TDRD5: variants seen among roughly 807,000 people sequenced by gnomAD.
TDRD5 encodes tudor domain containing 5.
In TDRD5, 41 loss-of-function variants were observed where a neutral mutation model predicts 120.6. The ratio of observed to expected loss-of-function variants is 0.34; its 90% CI spans 0.26 to 0.44. TDRD5 has a LOEUF of 0.44. Among genes scored for constraint, TDRD5 ranks in the 20% least tolerant of loss-of-function variants. TDRD5 has a pLI of 1.00. For missense variants in TDRD5, 1,006 were observed against 1,221.2 expected (o/e 0.82, Z 2.63); for synonymous variants, 430 against 433.7 (o/e 0.99, Z 0.11).
chr1:179,626,508 T>C (rs1384722914), intron 6 of TDRD5, among the ~76,000 whole-genome samples: 1 of 152,196 alleles, frequency 6.6e-6, no homozygotes, highest in African/African-American at 2.4e-5. Flanking sequence ...TAAACTTAAG[T>C]TGTGTGCATT....
chr1:179,679,930 T>A (rs1680334282), intron 17 of TDRD5, among the ~76,000 whole-genome samples: 1 of 152,114 alleles, frequency 6.6e-6, no homozygotes, highest in Non-Finnish European at 1.5e-5. Context: ...CATTTTACAG[T>A]TTTTCCTAAA....
In TDRD5 at chr1:179,617,374, T is replaced by C. The variant is rs544157810; in HGVS notation, c.832-1225T>C. On this transcript the variant is annotated intron_variant, in intron 4 of 17. Transcript: ENST00000444136. ...TGCTCACACCATGTGCCAGGCATTA[T>C]GTTATGCACTCTTCGTGCCTCATCA... is the stretch of plus-strand genomic sequence containing the variant. 2.0e-5 allele frequency among the ~76,000 whole-genome samples: 3 copies of C among 152,300 alleles called. No homozygotes were observed. In the East Asian group the frequency reaches 5.8e-4, roughly 29 times the overall value.
chr1:179,604,220 A>G (rs1447890795), intron 4 of TDRD5, among the ~76,000 whole-genome samples: 2 of 151,972 alleles, frequency 1.3e-5, no homozygotes, highest in East Asian at 3.9e-4. Context: ...GTCAGTTATA[A>G]TATCTCCTGT....
intron 11 of TDRD5, 134 bp from the exon 12 acceptor site, chr1:179,650,733 A>G (rs1002166656): frequency 7.4e-6 from 6 of 806,546 alleles, no homozygotes; most frequent in Non-Finnish European, 1.0e-5. Flanking sequence ...ATATCCTCCT[A>G]TGTGTTATTC....
At chr1:179,654,759 C>A (rs1678907545) in intron 14 of TDRD5, among the ~76,000 whole-genome samples, 1 of 151,980 alleles carries the variant, frequency 6.6e-6, no homozygotes, top group South Asian at 2.1e-4. Context: ...TAGAGTGAGA[C>A]TCTGTCTCAA....
rs188334517 is a variant in TDRD5, at chr1:179,639,713, C to A, written c.1521-126C>A. The A allele has an allele frequency of 4.0e-4, 378 of 935,908 alleles. No individual in the cohort carries two copies. The East Asian group carries it at 9.3e-3, about 23-fold the overall frequency. The allele number at this position is 935,908 out of a possible 1,614,324, so 58.0% of individuals were successfully genotyped here. A position where few individuals can be genotyped will look rare whatever the true frequency, so the allele number is the denominator to read the frequency against. ...ATTAATTGGTATTAATGAGCATTAA[C>A]AATTTGACAAAGTCAATTTTCTTTT... On this transcript the variant is annotated intron_variant, in intron 9 of 17. Transcript: ENST00000444136.
intron 4 of TDRD5, among the ~76,000 whole-genome samples, chr1:179,617,951 C>CT: frequency 6.6e-6 from 1 of 152,272 alleles, no homozygotes; most frequent in Non-Finnish European, 1.5e-5. Flanking sequence ...ATTTCCTTAA[C>CT]TTTATTTTCC....
At chr1:179,592,366 G>A in intron 1 of TDRD5, 1 of 441,420 alleles carries the variant, frequency 2.3e-6, no homozygotes, top group South Asian at 2.4e-5. Context: ...CCCAGTTAAC[G>A]CCTCCGCATG....
At chr1:179,632,202 G>C (rs772075361) in intron 7 of TDRD5, among the ~76,000 whole-genome samples, 17 of 151,950 alleles carry the variant, frequency 1.1e-4, no homozygotes, top group African/African-American at 4.1e-4. Flanking sequence ...CACCACTCCC[G>C]GCCGTGACCT....
Position 179,662,119 on chromosome 1 carries a change from G to A in TDRD5, c.2338G>A (p.Gly780Arg). ...TACATTTTAGGATGAGATCCCCACTGGAATGCCATGCCTGGAGTCAGTGAC... is the reference window on the plus strand; with the variant it reads ...TACATTTTAGGATGAGATCCCCACTAGAATGCCATGCCTGGAGTCAGTGAC... Reference protein sequence around the residue: ...KEENEDEIPTGMPCLESVTIG... With the variant: ...KEENEDEIPTRMPCLESVTIG... The change falls in exon 15 of 18, where the codon GGA becomes AGA. Residue 780 changes from glycine to arginine, a missense_variant. Physicochemically the swap from Gly to Arg is moderately radical, Grantham distance 125. Transcript: ENST00000444136. 6.3e-7 allele frequency: 1 copy of A among 1,577,364 alleles called. No individual in the cohort carries two copies. The highest frequency in any genetic ancestry group is 8.6e-7 in the Non-Finnish European group (1 of 1,165,168).
rs777877875 is a variant in TDRD5 at position 179,618,690 on chromosome 1, AT to A, written c.915+11del. The stretch of plus-strand genomic sequence containing the variant: ...AAACATAAGATAAAATTTGTAAGTA[AT>A]TTCTGTTTCTGGGAGACAATAATAA... On this transcript the variant is annotated intron_variant, in intron 5 of 17. Transcript: ENST00000444136. The A allele has an allele frequency of 4.5e-6, 7 of 1,558,610 alleles. No individual in the cohort carries two copies. Among genetic ancestry groups the A allele is most frequent in the Middle Eastern group, 1.7e-4 (1 of 5,848 alleles).
chr1:179,634,401 T>C, intron 7 of TDRD5, 56 bp from the exon 8 acceptor site: 1 of 1,541,296 alleles, frequency 6.5e-7, no homozygotes, highest in Non-Finnish European at 8.7e-7. Context: ...ATGCATAGGC[T>C]GCTCTATTGG....
intron 11 of TDRD5, among the ~76,000 whole-genome samples, chr1:179,642,160 G>A (rs930917180): frequency 3.3e-5 from 5 of 151,228 alleles, no homozygotes; most frequent in Non-Finnish European, 5.9e-5. Context: ...GAGTGCAGTG[G>A]TGCAATCTCG....
intron 11 of TDRD5, among the ~76,000 whole-genome samples, chr1:179,646,631 G>A (rs1678380962): frequency 1.3e-5 from 2 of 151,558 alleles, no homozygotes; most frequent in South Asian, 4.2e-4. Context: ...AGGAAATAGA[G>A]GGTATTCAAT....
chr1:179,652,205 A>G lies in TDRD5; in HGVS notation c.2160+8A>G. The G allele has an allele frequency of 6.3e-7, 1 of 1,592,148 alleles. No homozygotes were observed. The highest frequency in any genetic ancestry group is 8.5e-7 in the Non-Finnish European group (1 of 1,174,352). On this transcript the variant is annotated splice_region_variant and intron_variant, in intron 13 of 17. Transcript: ENST00000444136. ...AGTGAGTTACGTATCTTGGTAAGAG[A>G]TTTTTGCAAATACTATTATAATTCT...
chr1:179,595,583 G>T (rs750774283), intron 3 of TDRD5, 45 bp from the exon 4 acceptor site: 20 of 1,492,866 alleles, frequency 1.3e-5, no homozygotes, highest in Non-Finnish European at 1.8e-5. Flanking sequence ...TGAAATAGAA[G>T]TTGCTAGTGA....
At chr1:179,622,699 A>G (rs1030061047) in intron 6 of TDRD5, among the ~76,000 whole-genome samples, 2 of 152,192 alleles carry the variant, frequency 1.3e-5, no homozygotes, top group Admixed American at 6.5e-5. Flanking sequence ...AGACAGATCA[A>G]TAGAAATTAT....
At chr1:179,618,753 TTGTC>T (rs1235599414) in intron 5 of TDRD5, 71 bp downstream of exon 5, 1 of 1,136,626 alleles carries the variant, frequency 8.8e-7, no homozygotes, top group Non-Finnish European at 1.2e-6. Flanking sequence ...GTGGTTGAGT[TTGTC>T]TGCAAGTATT....
chr1:179,665,027 C>T (rs755266950), intron 16 of TDRD5, among the ~76,000 whole-genome samples: 2 of 152,048 alleles, frequency 1.3e-5, no homozygotes, highest in Admixed American at 6.6e-5. Flanking sequence ...TCCCTGATGG[C>T]TAATGATGTT....
Sources: allele counts gnomAD v4.1 joint callset (sites outside exome capture counted in the v4.1 genomes callset), GRCh38; gene constraint gnomAD v4.1.1; transcripts MANE v1.5; gene names NCBI Gene and HGNC (gene_info 2026-07-23, HGNC 2026-07-21).